The following ITFG1 variants were observed in gnomAD, a reference collection of about 807,000 sequenced individuals.
ITFG1 encodes the protein integrin alpha FG-GAP repeat containing 1, also known as T-cell immunomodulatory protein.
ITFG1 carries 34 observed loss-of-function variants against 81.8 expected under a neutral mutation model. The observed-to-expected ratio is 0.42, with a 90% CI of 0.32 to 0.55. The LOEUF (loss-of-function observed/expected upper bound fraction) is 0.55. Among genes scored for constraint, ITFG1 ranks in the 20% least tolerant of loss-of-function variants. ITFG1 has a pLI of 0.17. For missense variants in ITFG1, 672 were observed against 755.4 expected (o/e 0.89, Z 1.29); for synonymous variants, 285 against 270.6 (o/e 1.05, Z -0.52).
At chr16:47,350,458 C>T (rs544712967) in intron 8 of ITFG1, among the ~76,000 whole-genome samples, 7 of 152,128 alleles carry the variant, frequency 4.6e-5, no homozygotes, top group Non-Finnish European at 1.0e-4. Flanking sequence ...AAACTAGAAA[C>T]TCTAGTAGAA....
At position 47,232,832 on chromosome 16, in the gene ITFG1, G is replaced by C. The variant is rs1293365129; in HGVS notation, c.1374+5133C>G. Among the ~76,000 whole-genome samples the C allele has an allele frequency of 2.6e-5, 4 of 151,874 alleles. No homozygotes were observed. The South Asian group carries it at 8.3e-4, about 32-fold the overall frequency. Reference sequence around the variant, plus strand: ...ATTTTTGTATTTTTTGTAGAGATGGGGTTTCAGCACGTTGCCCAGGCTGGT... The same window carrying C: ...ATTTTTGTATTTTTTGTAGAGATGGCGTTTCAGCACGTTGCCCAGGCTGGT... On this transcript the variant is annotated intron_variant, in intron 13 of 17. Transcript: ENST00000320640.
At chr16:47,336,450 A>G (rs1466770380) in intron 8 of ITFG1, among the ~76,000 whole-genome samples, 1 of 152,234 alleles carries the variant, frequency 6.6e-6, no homozygotes, top group Non-Finnish European at 1.5e-5. Context: ...GATCTCACTT[A>G]TAAATCATTG....
At chr16:47,399,586 A>C (rs1408569885) in intron 6 of ITFG1, among the ~76,000 whole-genome samples, 1 of 152,092 alleles carries the variant, frequency 6.6e-6, no homozygotes, top group African/African-American at 2.4e-5. Flanking sequence ...AAAAAAAAAA[A>C]AGTTCAGAGA....
chr16:47,436,441 A>G (rs1305889369), intron 5 of ITFG1, among the ~76,000 whole-genome samples: 4 of 152,216 alleles, frequency 2.6e-5, no homozygotes, highest in South Asian at 2.1e-4. Context: ...TTAGTTTGAT[A>G]ATTAAGCCAA....
chr16:47,442,082 G>T (rs868032536), intron 5 of ITFG1, among the ~76,000 whole-genome samples: 2 of 152,050 alleles, frequency 1.3e-5, no homozygotes, highest in African/African-American at 2.4e-5. Context: ...CATTCACAAT[G>T]GTTTCAAAGA....
At chr16:47,324,020 A>T (rs1243704056) in intron 8 of ITFG1, among the ~76,000 whole-genome samples, 1 of 152,212 alleles carries the variant, frequency 6.6e-6, no homozygotes, top group Non-Finnish European at 1.5e-5. Context: ...CCAAAAATAA[A>T]TATGTGTATA....
chr16:47,181,411 GC>G (rs1299531898), intron 14 of ITFG1, among the ~76,000 whole-genome samples: 3 of 140,632 alleles, frequency 2.1e-5, no homozygotes, highest in Middle Eastern at 7.9e-3. Flanking sequence ...GGGGGGGTCA[GC>G]CCCCCCGCCC....
intron 8 of ITFG1, among the ~76,000 whole-genome samples, chr16:47,327,524 C>G (rs1967568084): frequency 6.6e-6 from 1 of 152,134 alleles, no homozygotes; most frequent in African/African-American, 2.4e-5. Flanking sequence ...AAACCACCAT[C>G]AGAGTGAACA....
chr16:47,404,119 C>T (rs548180976), intron 6 of ITFG1, among the ~76,000 whole-genome samples: 7 of 152,236 alleles, frequency 4.6e-5, no homozygotes, highest in African/African-American at 1.7e-4. Flanking sequence ...CTATCAAGAA[C>T]CATTCTCTGG....
At chr16:47,285,275 T>G (rs1314136399) in intron 10 of ITFG1, among the ~76,000 whole-genome samples, 2 of 152,178 alleles carry the variant, frequency 1.3e-5, no homozygotes, top group African/African-American at 4.8e-5. Flanking sequence ...AAGGGTTCAG[T>G]AAACATCCGA....
chr16:47,401,645 G>A (rs1968663105), intron 6 of ITFG1, among the ~76,000 whole-genome samples: 1 of 152,264 alleles, frequency 6.6e-6, no homozygotes, highest in South Asian at 2.1e-4. Flanking sequence ...ACAAGGTGGA[G>A]GTGATGGACA....
Position 47,217,155 on chromosome 16 carries a change from A to G in ITFG1, c.1453+1713T>C, listed in dbSNP as rs568118102. 6.1e-5 allele frequency among the ~76,000 whole-genome samples: 9 copies of G among 147,948 alleles called. No individual in the cohort carries two copies. In the East Asian group the frequency reaches 1.6e-3, roughly 26 times the overall value. ...ATGTATCATTATATGAAAAAAAAAG[A>G]AAAAGAAAGTATTTTAAAAACTGAT... On this transcript the variant is annotated intron_variant, in intron 14 of 17. Coordinates refer to ENST00000320640, the MANE Select transcript of ITFG1 (RefSeq NM_030790.5).
At chr16:47,454,445 T>C (rs879421901) in intron 2 of ITFG1, among the ~76,000 whole-genome samples, 3 of 152,214 alleles carry the variant, frequency 2.0e-5, no homozygotes, top group African/African-American at 4.8e-5. Context: ...AGCCCTTCTA[T>C]ATAGTTCCTT....
At chr16:47,405,752 GTTA>G (rs940486392) in intron 6 of ITFG1, among the ~76,000 whole-genome samples, 4 of 151,928 alleles carry the variant, frequency 2.6e-5, no homozygotes, top group Non-Finnish European at 5.9e-5. Context: ...ACAAATGGTA[GTTA>G]TTATTCTCAT....
intron 14 of ITFG1, among the ~76,000 whole-genome samples, chr16:47,198,796 A>G (rs1965387852): frequency 6.6e-6 from 1 of 152,182 alleles, no homozygotes; most frequent in Non-Finnish European, 1.5e-5. Flanking sequence ...GTTTTTAACT[A>G]AAGGTTTAAA....
intron 11 of ITFG1, 60 bp downstream of exon 11, chr16:47,260,479 GAAGCTA>G: frequency 6.6e-7 from 1 of 1,523,278 alleles, no homozygotes; most frequent in African/African-American, 1.4e-5. Flanking sequence ...CAAATGGAAT[GAAGCTA>G]AAGTGTGACA....
chr16:47,287,708 G>A (rs1966875563), intron 10 of ITFG1, among the ~76,000 whole-genome samples: 1 of 152,086 alleles, frequency 6.6e-6, no homozygotes, highest in African/African-American at 2.4e-5. Context: ...AGGGTTGTCT[G>A]TTTTTGATTC....
intron 14 of ITFG1, among the ~76,000 whole-genome samples, chr16:47,194,115 G>C (rs577732411): frequency 6.6e-6 from 1 of 152,178 alleles, no homozygotes; most frequent in African/African-American, 2.4e-5. Context: ...CCATTATGTT[G>C]ACTTTGCTAA....
At chr16:47,456,460 C>G (rs1969454225) in intron 2 of ITFG1, among the ~76,000 whole-genome samples, 1 of 152,100 alleles carries the variant, frequency 6.6e-6, no homozygotes, top group African/African-American at 2.4e-5. Context: ...GAGGCCAAGG[C>G]AGGTGGATTG....
Sources: allele counts gnomAD v4.1 joint callset (sites outside exome capture counted in the v4.1 genomes callset), GRCh38; gene constraint gnomAD v4.1.1; transcripts MANE v1.5; gene names NCBI Gene and HGNC (gene_info 2026-07-23, HGNC 2026-07-21).